FBL: variants seen among roughly 807,000 people sequenced by gnomAD.
FBL encodes rRNA 2'-O-methyltransferase fibrillarin.
A neutral mutation model predicts 42.2 loss-of-function variants in FBL; 10 were observed. The ratio of observed to expected loss-of-function variants is 0.24; its 90% CI spans 0.15 to 0.40. FBL has a LOEUF of 0.40. FBL is among the 10% of genes least tolerant of loss of function. The pLI is 1.00. For missense variants in FBL, 351 were observed against 439.2 expected (o/e 0.80, Z 1.79); for synonymous variants, 165 against 165.4 (o/e 1.00, Z 0.02).
chr19:39,843,924 A>G (rs901079993), intron 1 of FBL, among the ~76,000 whole-genome samples: 3 of 152,156 alleles, frequency 2.0e-5, no homozygotes, highest in African/African-American at 7.2e-5. Context: ...TTCCCTCCTC[A>G]TGTACCAAAA....
Position 39,835,519 on chromosome 19 carries a change from AAAAAAT to A in FBL, c.796-712_796-707del, listed in dbSNP as rs374103014. 1.0e-2 allele frequency among the ~76,000 whole-genome samples: 1,517 copies of A among 152,272 alleles called. 20 individuals are homozygous for A. Among genetic ancestry groups the A allele is most frequent in the African/African-American group, 0.032 (1,316 of 41,532 alleles). On this transcript the variant is annotated intron_variant, in intron 7 of 8. Transcript: ENST00000221801. ...GGTGACAGAGTAAGACTCCATCTCA[AAAAAAT>A]AAAAATAAAAATAAAAATAAATAAA... is the stretch of plus-strand genomic sequence containing the variant.
Position 39,840,636 on chromosome 19 carries a change from ACCG to A in FBL, c.159_161del (p.Gly58del), listed in dbSNP as rs757203661. Reference sequence around the variant, plus strand: ...TCTTACCACCTCTTCCTCCTCCTCCACCGCCGCCGCCGCCTCCACCTCCTCCTC... The same window carrying A: ...TCTTACCACCTCTTCCTCCTCCTCCACCGCCGCCGCCTCCACCTCCTCCTC... On this transcript the variant is annotated inframe_deletion, in exon 2 of 9. Transcript: ENST00000221801. This position sits in a 1 kb window ranked among gnomAD's most constrained non-coding sequence, Gnocchi z 4.5. The A allele has an allele frequency of 1.8e-5, 29 of 1,609,490 alleles. No individual in the cohort carries two copies. The highest frequency in any genetic ancestry group is 2.2e-5 in the Non-Finnish European group (26 of 1,178,186).
At chr19:39,841,258 T>C (rs1434992140) in intron 1 of FBL, among the ~76,000 whole-genome samples, 1 of 147,960 alleles carries the variant, frequency 6.8e-6, no homozygotes, top group Non-Finnish European at 1.5e-5. Context: ...GGTCTCACTA[T>C]GTTGCCCAGG....
chr19:39,840,568 C>T lies in FBL; in HGVS notation c.181+49G>A, dbSNP rs1455630962. On this transcript the variant is annotated intron_variant, in intron 2 of 8. Coordinates refer to ENST00000221801, the MANE Select transcript of FBL (RefSeq NM_001436.4). The surrounding 1 kb of genome is among the most constrained non-coding windows in gnomAD (Gnocchi z 4.5). Reference sequence around the variant, plus strand: ...AAAGATCCTGAATCTCCGCCCTCCCCACTCCCCACCTCAGGAAGGCCTCCT... The same window carrying T: ...AAAGATCCTGAATCTCCGCCCTCCCTACTCCCCACCTCAGGAAGGCCTCCT... 2.5e-6 allele frequency: 4 copies of T among 1,612,808 alleles called. No homozygotes were observed. The Admixed American group carries it at 6.7e-5, about 27-fold the overall frequency.
chr19:39,835,497 G>A (rs1369823019), intron 7 of FBL, among the ~76,000 whole-genome samples: 1 of 152,000 alleles, frequency 6.6e-6, no homozygotes, highest in Non-Finnish European at 1.5e-5. Flanking sequence ...CCAACCTGGT[G>A]ACAGAGTAAG....
In FBL at chr19:39,839,040, C is replaced by A; in HGVS notation, c.544G>T (p.Gly182Cys). 6.2e-7 allele frequency: 1 copy of A among 1,609,770 alleles called. No homozygotes were observed. Among genetic ancestry groups the A allele is most frequent in the Non-Finnish European group, 8.5e-7 (1 of 1,178,128 alleles). ...TTVSHVSDIV[G>C]PDGLVYAVEF... is the part of the protein sequence containing the mutation. ...CTCTCCATCTACTCACTCACCGGAC[C>A]AACGATGTCAGAGACATGGGAGACC... The change falls in exon 5 of 9, where the codon GGT becomes TGT. Residue 182 changes from glycine to cysteine, a missense_variant. Physicochemically the swap from Gly to Cys is radical, Grantham distance 159. Transcript: ENST00000221801.
intron 1 of FBL, among the ~76,000 whole-genome samples, chr19:39,845,274 C>A (rs567840125): frequency 1.3e-5 from 2 of 152,304 alleles, no homozygotes; most frequent in Admixed American, 1.3e-4. Flanking sequence ...GCTCAGGCAC[C>A]ACCGAGAAGG....
intron 1 of FBL, 147 bp downstream of exon 1, chr19:39,846,144 A>T: frequency 1.1e-6 from 1 of 934,774 alleles, no homozygotes; most frequent in Non-Finnish European, 1.7e-6. Context: ...ACCTGCTGGA[A>T]TCAGAATCCC....
In FBL at chr19:39,846,269, C is replaced by T. The variant is rs370831969; in HGVS notation, c.10+22G>A. ...CCCGCCCGGCCTCCGTCCCTGACCC[C>T]GGACCCTCACCCCAGCCTGACCTGG... On this transcript the variant is annotated intron_variant, in intron 1 of 8. Coordinates refer to ENST00000221801, the MANE Select transcript of FBL (RefSeq NM_001436.4). 3.7e-6 allele frequency: 6 copies of T among 1,613,670 alleles called. No individual in the cohort carries two copies. The African/African-American group carries it at 5.3e-5, about 14-fold the overall frequency.
chr19:39,836,658 A>T lies in FBL; in HGVS notation c.693T>A (p.Asp231Glu). The T allele has an allele frequency of 6.2e-7, 1 of 1,613,496 alleles. No individual in the cohort carries two copies. The highest frequency in any genetic ancestry group is 8.5e-7 in the Non-Finnish European group (1 of 1,179,474). ...HKYRMLIAMV[D>E]VIFADVAQPD... ...GCTGGGCCACATCAGCAAAGATCAC[A>T]TCCACCATTGCTAAGGAGAAAGGAG... Residue 231 changes from aspartate to glutamate, a missense_variant, in exon 7 of 9, where the codon GAT becomes GAA. Coordinates refer to ENST00000221801, the MANE Select transcript of FBL (RefSeq NM_001436.4).
Position 39,834,516 on chromosome 19 carries a change from G to C in FBL, c.*22C>G, listed in dbSNP as rs562729492. 4.0e-5 allele frequency: 64 copies of C among 1,613,848 alleles called. 2 individuals are homozygous for C. In the South Asian group the frequency reaches 7.0e-4, roughly 18 times the overall value. On this transcript the variant is annotated 3_prime_UTR_variant, in exon 9 of 9. Coordinates refer to ENST00000221801, the MANE Select transcript of FBL (RefSeq NM_001436.4). ...GCAACAGTATCAACACACATCTCTCGCAATCCTGACAGCGCTGAACTTCAG... is the reference window on the plus strand; with the variant it reads ...GCAACAGTATCAACACACATCTCTCCCAATCCTGACAGCGCTGAACTTCAG...
In FBL at chr19:39,839,019, C is replaced by CCATCT; in HGVS notation, c.549+11_549+15dup. On this transcript the variant is annotated intron_variant, in intron 5 of 8. Transcript: ENST00000221801. ...CAGCCTTTACCTCCTGCCTGACTCT[C>CCATCT]CATCTACTCACTCACCGGACCAACG... 1 of 1,602,042 alleles carries CCATCT rather than the reference C, an allele frequency of 6.2e-7. No homozygotes were observed. The highest frequency in any genetic ancestry group is 8.5e-7 in the Non-Finnish European group (1 of 1,173,888).
chr19:39,838,312 G>A (rs931915441), intron 5 of FBL: 7 of 150,382 alleles, frequency 4.7e-5, no homozygotes, highest in African/African-American at 1.5e-4. Context: ...CCAGGATGGA[G>A]TGCAGTTGTG....
intron 1 of FBL, among the ~76,000 whole-genome samples, chr19:39,843,466 A>G (rs538900933): frequency 1.3e-4 from 20 of 152,312 alleles, no homozygotes; most frequent in African/African-American, 4.8e-4. Flanking sequence ...CATCTGTAAG[A>G]CATGGAGACA....
chr19:39,842,431 AC>A (rs1231512134), intron 1 of FBL, among the ~76,000 whole-genome samples: 1 of 151,972 alleles, frequency 6.6e-6, no homozygotes, highest in African/African-American at 2.4e-5. Context: ...TGTCCTACGA[AC>A]CCTTCATGCA....
Position 39,840,162 on chromosome 19 carries a change from G to T in FBL, c.378+71C>A. On this transcript the variant is annotated intron_variant, in intron 4 of 8. Transcript: ENST00000221801. This position sits in a 1 kb window ranked among gnomAD's most constrained non-coding sequence, Gnocchi z 4.5. ...CTGTCACGTGCAGGACACATGGTGA[G>T]GGCAGACACAGACTACTGGCTACAC... is the stretch of plus-strand genomic sequence containing the variant. 9.8e-7 allele frequency: 1 copy of T among 1,022,370 alleles called. No homozygotes were observed. Among genetic ancestry groups the T allele is most frequent in the South Asian group, 1.3e-5 (1 of 78,038 alleles). 63.3% of individuals were successfully genotyped at this position (1,022,370 alleles called of 1,614,324 possible). A position where few individuals can be genotyped will look rare whatever the true frequency, so the allele number is the denominator to read the frequency against.
chr19:39,837,605 T>A, intron 6 of FBL, 106 bp downstream of exon 6: 1 of 1,019,604 alleles, frequency 9.8e-7, no homozygotes, highest in Non-Finnish European at 1.4e-6. Flanking sequence ...ACTCAAGAGG[T>A]CTGCTCATCC....
Position 39,840,392 on chromosome 19 carries a change from G to T in FBL, c.283+22C>A. Reference sequence around the variant, plus strand: ...CTCTCCCTGCCCCGAAGCTCAGCCGGCTCCCTGCCTTCCTCACTCACCCTC... The same window carrying T: ...CTCTCCCTGCCCCGAAGCTCAGCCGTCTCCCTGCCTTCCTCACTCACCCTC... On this transcript the variant is annotated intron_variant, in intron 3 of 8. Transcript: ENST00000221801. This position sits in a 1 kb window ranked among gnomAD's most constrained non-coding sequence, Gnocchi z 4.5. 6.2e-7 allele frequency: 1 copy of T among 1,612,870 alleles called. No individual in the cohort carries two copies. Among genetic ancestry groups the T allele is most frequent in the Non-Finnish European group, 8.5e-7 (1 of 1,178,882 alleles).
At position 39,840,350 on chromosome 19, in the gene FBL, G is replaced by A. The variant is rs370007580; in HGVS notation, c.284-23C>T. ...CACCTGGGTGAGGGGATCAGAGCAG[G>A]GGTGAGGACCCCCAGCCTCTCCCTG... On this transcript the variant is annotated intron_variant, in intron 3 of 8. Coordinates refer to ENST00000221801, the MANE Select transcript of FBL (RefSeq NM_001436.4). This position sits in a 1 kb window ranked among gnomAD's most constrained non-coding sequence, Gnocchi z 4.5. 3.7e-6 allele frequency: 6 copies of A among 1,612,380 alleles called. No homozygotes were observed. Among genetic ancestry groups the A allele is most frequent in the Non-Finnish European group, 5.1e-6 (6 of 1,178,458 alleles).
Sources: allele counts gnomAD v4.1 joint callset (sites outside exome capture counted in the v4.1 genomes callset), GRCh38; gene constraint gnomAD v4.1.1; non-coding constraint Gnocchi (gnomAD v3.1); transcripts MANE v1.5; gene names NCBI Gene and HGNC (gene_info 2026-07-23, HGNC 2026-07-21).